Variants in WDR11 observed in about 807,000 individuals in gnomAD.
The protein encoded by WDR11 is WD repeat domain 11, also known as WD repeat-containing protein 11.
Under a neutral mutation model 151.2 loss-of-function variants are expected in WDR11, and 83 were observed. The observed-to-expected ratio is 0.55, with a 90% confidence interval of 0.46 to 0.66. The LOEUF (loss-of-function observed/expected upper bound fraction) is 0.66. Among genes scored for constraint, WDR11 ranks in the 30% least tolerant of loss-of-function variants. The pLI is 0.00. For missense variants in WDR11, 1,301 were observed against 1,480.9 expected (o/e 0.88, Z 1.99); for synonymous variants, 484 against 533.1 (o/e 0.91, Z 1.27).
intron 4 of WDR11, 80 bp from the exon 5 acceptor site, chr10:120,862,655 G>T (rs1264455239): frequency 4.4e-6 from 6 of 1,369,462 alleles, no homozygotes; most frequent in African/African-American, 2.9e-5. Context: ...TCACTATATT[G>T]CTCTCAAAAT....
At chr10:120,864,573 C>T (rs1422889350) in intron 5 of WDR11, among the ~76,000 whole-genome samples, 1 of 152,080 alleles carries the variant, frequency 6.6e-6, no homozygotes, top group Non-Finnish European at 1.5e-5. Flanking sequence ...ATGAAGGCAG[C>T]CAAGGGGAAG....
chr10:120,906,455 T>C, intron 27 of WDR11: 1 of 1,258,528 alleles, frequency 7.9e-7, no homozygotes, highest in African/African-American at 1.5e-5. Context: ...CTAAGGGAGG[T>C]AGATTACGGA....
chr10:120,900,713 T>G (rs1847782891), intron 20 of WDR11, among the ~76,000 whole-genome samples: 2 of 152,212 alleles, frequency 1.3e-5, no homozygotes, highest in Admixed American at 1.3e-4. Context: ...GCAGATTCCT[T>G]TAGTAACATT....
chr10:120,904,258 T>A, intron 24 of WDR11, 116 bp downstream of exon 24: 1 of 822,318 alleles, frequency 1.2e-6, no homozygotes, highest in Non-Finnish European at 2.0e-6. Flanking sequence ...ATGTACCTCC[T>A]TCCCTGTAGA....
In WDR11 at chr10:120,867,071, C is replaced by G. The variant is rs1241900346; in HGVS notation, c.1196C>G (p.Ser399Cys). ...VCNRNSRNSS[S>C]GVSPLYSPVS... ...TAATTATTATGTCTTTGCAGTAGTT[C>G]TGGTGTGTCACCTTTATATTCACCA... Residue 399 changes from serine to cysteine, a missense_variant, in exon 9 of 29, where the codon TCT (serine) becomes TGT (cysteine). Ser to Cys is a moderately radical substitution (Grantham distance 112, BLOSUM62 -1). Around this residue, in one of 3 missense-constraint regions of WDR11, gnomAD observed 692 missense variants for 762.5 expected, o/e 0.91. Coordinates refer to ENST00000263461, the MANE Select transcript of WDR11 (RefSeq NM_018117.12). The G allele has an allele frequency of 6.2e-7, 1 of 1,612,632 alleles. No individual in the cohort carries two copies. The highest frequency in any genetic ancestry group is 1.1e-5 in the South Asian group (1 of 91,060).
chr10:120,890,630 C>CA lies in WDR11; in HGVS notation c.2344-85dup. On this transcript the variant is annotated intron_variant, in intron 18 of 28. Transcript: ENST00000263461. Reference sequence around the variant, plus strand: ...CTAAACTTGAACTGGGCCTTTGCCACAGACTGTCTTCCTTGACCATTTAAT... The same window carrying CA: ...CTAAACTTGAACTGGGCCTTTGCCACAAGACTGTCTTCCTTGACCATTTAAT... 3.2e-6 allele frequency: 5 copies of CA among 1,545,758 alleles called. No homozygotes were observed. The East Asian group carries it at 9.0e-5, about 28-fold the overall frequency.
intron 5 of WDR11, among the ~76,000 whole-genome samples, chr10:120,864,776 G>T (rs1344917859): frequency 6.6e-6 from 1 of 152,070 alleles, no homozygotes; most frequent in Non-Finnish European, 1.5e-5. Flanking sequence ...ACCATGTCTT[G>T]TGTAATATTA....
In WDR11 at chr10:120,878,420, T is replaced by A; in HGVS notation, c.1624T>A (p.Leu542Ile). The change falls in exon 12 of 29, where the codon TTA becomes ATA. Residue 542 changes from leucine (L) to isoleucine (I), a missense_variant. This residue lies in a region of WDR11 where 692 missense variants were observed against 762.5 expected (regional missense o/e 0.91). Transcript: ENST00000263461. ...FATSTPNNMG[L>I]VRNELQLVDL... ...TACCTCAACACCAAACAATATGGGA[T>A]TAGTGAGAAATGAACTTCAACTGGT... is the stretch of plus-strand genomic sequence containing the variant. The A allele has an allele frequency of 1.9e-6, 3 of 1,613,286 alleles. No individual in the cohort carries two copies. The highest frequency in any genetic ancestry group is 2.5e-6 in the Non-Finnish European group (3 of 1,179,542).
In WDR11 at chr10:120,905,917, G is replaced by A; in HGVS notation, c.3333G>A (p.Arg1111=). 3.1e-6 allele frequency: 5 copies of A among 1,614,166 alleles called. No individual in the cohort carries two copies. The highest frequency in any genetic ancestry group is 4.2e-6 in the Non-Finnish European group (5 of 1,180,046). ...AGGAGTGTGCCGATGTTTTAAGGCG[G>A]TGGGTTGACCACCTTTGTTCTCCAC... The part of the protein sequence containing the change: ...NPEECADVLR[R]WVDHLCSPQV... Residue 1111 remains arginine (R), a synonymous_variant, in exon 27 of 29, where the codon CGG becomes CGA. Coordinates refer to ENST00000263461, the MANE Select transcript of WDR11 (RefSeq NM_018117.12).
chr10:120,870,005 G>T (rs1025689059), intron 9 of WDR11, among the ~76,000 whole-genome samples: 1 of 152,024 alleles, frequency 6.6e-6, no homozygotes, highest in African/African-American at 2.4e-5. Context: ...GACCAGGATG[G>T]TCTCAATCTT....
chr10:120,901,045 A>C lies in WDR11; in HGVS notation c.2634A>C (p.Pro878=). Residue 878 remains proline (P), a synonymous_variant, in exon 21 of 29, where the codon CCA becomes CCC. Transcript: ENST00000263461. Reference sequence around the variant, plus strand: ...AATTTTTTCTTTACAGTGACTATCCAGAAAATGAAGAAATAAAGAATCTCC... The same window carrying C: ...AATTTTTTCTTTACAGTGACTATCCCGAAAATGAAGAAATAAAGAATCTCC... ...YSLDISHVDY[P]ENEEIKNLLQ... 6.2e-7 allele frequency: 1 copy of C among 1,612,376 alleles called. No individual in the cohort carries two copies.
In WDR11 at chr10:120,890,056, A is replaced by G. The variant is rs201455987; in HGVS notation, c.2343+47A>G. 16 of 1,344,304 alleles carry G rather than the reference A, an allele frequency of 1.2e-5. No homozygotes were observed. The East Asian group carries it at 3.0e-4, about 25-fold the overall frequency. The allele number at this position is 1,344,304 out of a possible 1,614,324, so 83.3% of individuals were successfully genotyped here. A position where few individuals can be genotyped will look rare whatever the true frequency, so the allele number is the denominator to read the frequency against. Reference sequence around the variant, plus strand: ...AAAACGTAAATAAATTGTTAGCCATAGGAACTGTGCTTTGTTAAAAAACTT... The same window carrying G: ...AAAACGTAAATAAATTGTTAGCCATGGGAACTGTGCTTTGTTAAAAAACTT... On this transcript the variant is annotated intron_variant, in intron 18 of 28. Coordinates refer to ENST00000263461, the MANE Select transcript of WDR11 (RefSeq NM_018117.12).
At chr10:120,880,762 G>A (rs1414268300) in intron 12 of WDR11, 64 bp from the exon 13 acceptor site, 11 of 1,387,482 alleles carry the variant, frequency 7.9e-6, no homozygotes, top group Admixed American at 1.9e-5. Flanking sequence ...CATTGGCGTG[G>A]CTTCTTGTTT....
intron 27 of WDR11, chr10:120,906,352 C>T (rs950298214): frequency 6.1e-5 from 76 of 1,253,178 alleles, no homozygotes; most frequent in East Asian, 8.8e-5. Context: ...GGGGGAGAGG[C>T]GACAGAAGGC....
At position 120,909,338 on chromosome 10, in the gene WDR11, G is replaced by T. The variant is rs1047460916; in HGVS notation, c.*625G>T. The T allele has an allele frequency of 6.5e-6, 1 of 153,348 alleles. No homozygotes were observed. Among genetic ancestry groups the T allele is most frequent in the African/African-American group, 2.4e-5 (1 of 41,446 alleles). 9.5% of individuals were successfully genotyped at this position (153,348 alleles called of 1,614,324 possible). A position where few individuals can be genotyped will look rare whatever the true frequency, so the allele number is the denominator to read the frequency against. ...GTTTAGTCCGATAGGTGAGGTCTTT[G>T]ATATTTTGAATTTTAACTCCTTTTA... On this transcript the variant is annotated 3_prime_UTR_variant, in exon 29 of 29. Transcript: ENST00000263461.
chr10:120,892,922 C>T (rs1376635648), intron 19 of WDR11, among the ~76,000 whole-genome samples: 1 of 151,692 alleles, frequency 6.6e-6, no homozygotes, highest in Non-Finnish European at 1.5e-5. Context: ...TAATAGCATT[C>T]TGGTATCATG....
chr10:120,899,372 A>G (rs949848885), intron 19 of WDR11, among the ~76,000 whole-genome samples: 7 of 152,182 alleles, frequency 4.6e-5, no homozygotes, highest in African/African-American at 1.7e-4. Flanking sequence ...AGGTAAATAT[A>G]TTTATTTTTA....
rs1847650431 is a variant in WDR11, at chr10:120,897,353, A to G, written c.2516-2676A>G. On this transcript the variant is annotated intron_variant, in intron 19 of 28. Coordinates refer to ENST00000263461, the MANE Select transcript of WDR11 (RefSeq NM_018117.12). The stretch of plus-strand genomic sequence containing the variant: ...AAGCAAGGATCACTTGTGGATGTCA[A>G]ATCACTGAGTAAAAGGATGTTTGAG... Among the ~76,000 whole-genome samples, 13 of 152,326 alleles carry G rather than the reference A, an allele frequency of 8.5e-5. No individual in the cohort carries two copies. In the South Asian group the frequency reaches 2.7e-3, roughly 32 times the overall value.
intron 15 of WDR11, 94 bp downstream of exon 15, chr10:120,886,032 A>C (rs1847204469): frequency 6.5e-7 from 1 of 1,532,722 alleles, no homozygotes. Flanking sequence ...TATGGTAGCA[A>C]GTTGGACTCT....
Sources: gnomAD v4.1 joint callset for allele counts (sites outside exome capture counted in the v4.1 genomes callset) on GRCh38, gnomAD v4.1.1 for gene constraint, gnomAD v4.1.1 regional missense constraint, MANE v1.5 for transcripts, NCBI Gene and HGNC (gene_info 2026-07-23, HGNC 2026-07-21) for gene names.